The following UMODL1 variants were observed in gnomAD, a reference collection of about 807,000 sequenced individuals.
UMODL1 encodes uromodulin like 1.
In UMODL1, 128 loss-of-function variants were observed where a neutral mutation model predicts 136.3. The observed-to-expected ratio is 0.94, with a 90% CI of 0.81 to 1.09. The LOEUF is 1.09. UMODL1 is among the 50% of genes least tolerant of loss of function. UMODL1 has a pLI of 0.00. For missense variants in UMODL1, 1,766 were observed against 1,725.6 expected (o/e 1.02, Z -0.41); for synonymous variants, 721 against 720.0 (o/e 1.00, Z -0.02).
At chr21:42,086,744 T>C in intron 4 of UMODL1, 1 of 417,208 alleles carries the variant, frequency 2.4e-6, no homozygotes, top group Non-Finnish European at 4.9e-6. Flanking sequence ...GGCAGGCGGA[T>C]CACTTGAGGT....
chr21:42,109,627 G>T lies in UMODL1; in HGVS notation c.1585G>T (p.Glu529Ter). The T allele has an allele frequency of 6.2e-7, 1 of 1,610,554 alleles. No individual in the cohort carries two copies. Reference sequence around the variant, plus strand: ...ACCGGCTGCCTGGTGCATCAACCTGGAGGGCTCCTACACCTGCCAGTGCCG... The same window carrying T: ...ACCGGCTGCCTGGTGCATCAACCTGTAGGGCTCCTACACCTGCCAGTGCCG... The part of the protein sequence containing the change: ...CSPAAWCINL[E>*]GSYTCQCRTT... Residue 529 changes from glutamate (E) to a stop codon, truncating the protein, a stop_gained, in exon 10 of 23, where the codon GAG (glutamate) becomes TAG (stop). Transcript: ENST00000408910. LOFTEE classifies it high-confidence loss of function.
chr21:42,076,272 G>C (rs220286), intron 2 of UMODL1, 25 bp downstream of exon 2: 1 of 1,611,066 alleles, frequency 6.2e-7, no homozygotes, highest in South Asian at 1.1e-5. Flanking sequence ...GCTGGGCTGG[G>C]GCGGGGCCAC....
At chr21:42,081,371 C>T (rs1259219473) in intron 2 of UMODL1, among the ~76,000 whole-genome samples, 1 of 152,224 alleles carries the variant, frequency 6.6e-6, no homozygotes, top group Non-Finnish European at 1.5e-5. Context: ...TGGACCATGA[C>T]TAGCAGTGTT....
At chr21:42,101,812 C>T (rs1386992994) in intron 7 of UMODL1, 4 of 449,384 alleles carry the variant, frequency 8.9e-6, no homozygotes, top group African/African-American at 6.0e-5. Flanking sequence ...GTAAGGGCCT[C>T]GTCGTGTGAG....
At chr21:42,068,483 A>AT (rs2066201446), upstream of UMODL1, among the ~76,000 whole-genome samples, 2 of 151,948 alleles carry the variant, frequency 1.3e-5, no homozygotes, top group Non-Finnish European at 2.9e-5. This position sits in a 1 kb window ranked among gnomAD's most constrained non-coding sequence, Gnocchi z 5.5. Flanking sequence ...AGTCCAAACC[A>AT]TTTTTTGGTT....
chr21:42,076,298 G>C (rs1237097894), intron 2 of UMODL1, 51 bp downstream of exon 2: 1 of 1,605,312 alleles, frequency 6.2e-7, no homozygotes. Flanking sequence ...CCGTCGAGAC[G>C]CCTGATGGGA....
At chr21:42,091,633 AG>A (rs1380781420) in intron 6 of UMODL1, among the ~76,000 whole-genome samples, 1 of 152,272 alleles carries the variant, frequency 6.6e-6, no homozygotes, top group Non-Finnish European at 1.5e-5. Flanking sequence ...AAGAGGAAAA[AG>A]GAAAGAAGAC....
At chr21:42,078,011 G>C (rs1398910001) in intron 2 of UMODL1, among the ~76,000 whole-genome samples, 1 of 152,216 alleles carries the variant, frequency 6.6e-6, no homozygotes, top group Non-Finnish European at 1.5e-5. Context: ...ATGCGTTTCT[G>C]TTGCCCCGTT....
chr21:42,079,364 G>C (rs1236341120), intron 2 of UMODL1, among the ~76,000 whole-genome samples: 1 of 152,242 alleles, frequency 6.6e-6, no homozygotes, highest in Non-Finnish European at 1.5e-5. Context: ...CACTTTTAGA[G>C]TGTTAACACC....
intron 9 of UMODL1, among the ~76,000 whole-genome samples, chr21:42,105,384 C>T (rs1335460326): frequency 6.6e-6 from 1 of 152,186 alleles, no homozygotes; most frequent in African/African-American, 2.4e-5. Flanking sequence ...CTCCCATCCT[C>T]TGGGACTAGG....
chr21:42,118,732 CT>C (rs1265450694), intron 14 of UMODL1, among the ~76,000 whole-genome samples: 1 of 152,162 alleles, frequency 6.6e-6, no homozygotes, highest in Non-Finnish European at 1.5e-5. Context: ...ACTCAGCCCC[CT>C]GCCCTCGGTG....
intron 1 of UMODL1, among the ~76,000 whole-genome samples, chr21:42,065,867 T>C (rs2066179245): frequency 6.6e-6 from 1 of 152,104 alleles, no homozygotes; most frequent in Non-Finnish European, 1.5e-5. Flanking sequence ...GAGTCCTGTC[T>C]AGAAGTCAGG....
Position 42,109,606 on chromosome 21 carries a change from GCTGC to G in UMODL1, c.1568_1571del (p.Ala523GlyfsTer33), listed in dbSNP as rs1184602675. ...CAGCGCGGAACACGACTGCTCACCGGCTGCCTGGTGCATCAACCTGGAGGGCTCC... is the reference window on the plus strand; with the variant it reads ...CAGCGCGGAACACGACTGCTCACCGGCTGGTGCATCAACCTGGAGGGCTCC... On this transcript the variant is annotated frameshift_variant, in exon 10 of 23. Coordinates refer to ENST00000408910, the MANE Select transcript of UMODL1 (RefSeq NM_001004416.3). LOFTEE classifies it high-confidence loss of function. 1.2e-5 allele frequency: 20 copies of G among 1,611,296 alleles called. No homozygotes were observed. The highest frequency in any genetic ancestry group is 1.4e-5 in the Non-Finnish European group (16 of 1,180,014).
chr21:42,132,907 G>A (rs2067152805), intron 21 of UMODL1, among the ~76,000 whole-genome samples: 7 of 152,204 alleles, frequency 4.6e-5, no homozygotes, highest in Admixed American at 4.6e-4. Flanking sequence ...AAAGAGCCTG[G>A]CCCATAGAAG....
chr21:42,127,335 G>A (rs2067073024), intron 19 of UMODL1, 93 bp downstream of exon 19: 1 of 1,188,608 alleles, frequency 8.4e-7, no homozygotes, highest in Admixed American at 1.8e-5. Context: ...TCCCCATCCA[G>A]CAATGCCCAG....
intron 1 of UMODL1, among the ~76,000 whole-genome samples, chr21:42,064,232 G>A (rs563942349): frequency 6.6e-6 from 1 of 152,290 alleles, no homozygotes; most frequent in South Asian, 2.1e-4. Context: ...TCAATAGACT[G>A]AGTCAAGCAG....
intron 8 of UMODL1, 61 bp from the exon 9 acceptor site, chr21:42,103,807 A>C: frequency 6.3e-7 from 1 of 1,594,912 alleles, no homozygotes; most frequent in Non-Finnish European, 8.6e-7. Context: ...TCACACCTGG[A>C]ACCCTGCTTA....
intron 18 of UMODL1, 34 bp downstream of exon 18, chr21:42,126,524 A>C (rs2123363157): frequency 6.2e-7 from 1 of 1,613,950 alleles, no homozygotes; most frequent in Non-Finnish European, 8.5e-7. Context: ...CCCCACAGCC[A>C]CGTGCCTCCA....
At chr21:42,111,146 G>C (rs2066818193) in intron 11 of UMODL1, 25 bp downstream of exon 11, 1 of 1,595,076 alleles carries the variant, frequency 6.3e-7, no homozygotes, top group Non-Finnish European at 8.5e-7. Context: ...CCCGGGTCTG[G>C]GGATGGACCA....
Sources: allele counts gnomAD v4.1 joint callset (sites outside exome capture counted in the v4.1 genomes callset), GRCh38; gene constraint gnomAD v4.1.1; non-coding constraint Gnocchi (gnomAD v3.1); transcripts MANE v1.5; gene names NCBI Gene and HGNC (gene_info 2026-07-23, HGNC 2026-07-21).